ZNF454: variants seen among roughly 807,000 people sequenced by gnomAD.
ZNF454 encodes zinc finger protein 454.
Under a neutral mutation model 48.2 loss-of-function variants are expected in ZNF454, and 30 were observed. The ratio of observed to expected loss-of-function variants is 0.62; its 90% confidence interval spans 0.47 to 0.84. The LOEUF (loss-of-function observed/expected upper bound fraction) is 0.84, where lower values mean the gene tolerates loss of function less well. ZNF454 is among the 40% of genes least tolerant of loss of function. The probability of loss-of-function intolerance (pLI) is 0.00; values close to 1 mark genes in which losing one functional copy is unlikely to be tolerated. For missense variants in ZNF454, 510 were observed against 623.1 expected, an observed-to-expected ratio of 0.82 and a Z score of 1.93; for synonymous variants, 204 against 211.4, an observed-to-expected ratio of 0.97 and a Z score of 0.30.
the ZNF454 span, chr5:178,985,911 A>G: frequency 3.4e-6 from 2 of 586,286 alleles, no homozygotes; most frequent in South Asian, 2.0e-5. Flanking sequence ...ACAGGCACGC[A>G]CCACCATGCC....
chr5:178,976,284 C>A, the ZNF454 span: 1 of 265,622 alleles, frequency 3.8e-6, no homozygotes, highest in East Asian at 1.1e-4. Context: ...CTTTAACATA[C>A]AGTGTCATTT....
downstream of ZNF454, among the ~76,000 whole-genome samples, chr5:178,969,947 G>A (rs1402336367): frequency 6.6e-6 from 1 of 152,156 alleles, no homozygotes; most frequent in African/African-American, 2.4e-5. Flanking sequence ...ATCTCCAGCT[G>A]ACTGATTTGT....
the ZNF454 span, chr5:178,981,778 G>T: frequency 6.2e-7 from 1 of 1,612,854 alleles, no homozygotes; most frequent in Non-Finnish European, 8.5e-7. This position sits in a 1 kb window ranked among gnomAD's most constrained non-coding sequence, Gnocchi z 5.1. Context: ...GTAGGTTTTG[G>T]GTACGTAGAG....
chr5:178,986,721 G>A, the ZNF454 span: 4,704 of 1,605,144 alleles, frequency 2.9e-3, 15 homozygotes, highest in African/African-American at 0.013. Flanking sequence ...AGGGCACCTC[G>A]TGGGGGTCGC....
intron 4 of ZNF454, among the ~76,000 whole-genome samples, chr5:178,961,647 C>G (rs904338925): frequency 6.6e-6 from 1 of 151,182 alleles, no homozygotes; most frequent in Non-Finnish European, 1.5e-5. Flanking sequence ...GAAACCCTGT[C>G]TCTAGTAAAA....
the ZNF454 span, chr5:178,985,349 C>T: frequency 6.0e-5 from 26 of 431,498 alleles, no homozygotes; most frequent in South Asian, 1.2e-4. Context: ...GGGGAGATGG[C>T]GGCCCTAACT....
At chr5:178,954,543 A>T (rs1759678426) in intron 4 of ZNF454, among the ~76,000 whole-genome samples, 1 of 152,184 alleles carries the variant, frequency 6.6e-6, no homozygotes, top group Non-Finnish European at 1.5e-5. Flanking sequence ...AGATTTTAAA[A>T]ATAATTCTTA....
chr5:178,957,603 G>T (rs1759830122), intron 4 of ZNF454, among the ~76,000 whole-genome samples: 1 of 151,888 alleles, frequency 6.6e-6, no homozygotes, highest in African/African-American at 2.4e-5. Context: ...TAGAGACGGG[G>T]TTTCACCGTG....
intron 4 of ZNF454, among the ~76,000 whole-genome samples, chr5:178,947,662 G>A (rs562249144): frequency 7.9e-5 from 12 of 152,178 alleles, no homozygotes; most frequent in African/African-American, 1.9e-4. Context: ...TCATTGTATC[G>A]GTGGCTTAAG....
At chr5:178,964,576 A>G (rs1760084860) in intron 4 of ZNF454, 79 bp from the exon 5 acceptor site, 3 of 1,078,826 alleles carry the variant, frequency 2.8e-6, no homozygotes, top group Non-Finnish European at 4.1e-6. Context: ...TGTTAGCATT[A>G]TGAAGAGGCT....
chr5:178,961,114 A>G (rs1759998802), intron 4 of ZNF454, among the ~76,000 whole-genome samples: 1 of 151,436 alleles, frequency 6.6e-6, no homozygotes, highest in South Asian at 2.1e-4. Flanking sequence ...TATTTTTAGT[A>G]GAGACGGGGT....
chr5:178,970,765 C>A (rs1280343218), downstream of ZNF454, among the ~76,000 whole-genome samples: 2 of 152,208 alleles, frequency 1.3e-5, no homozygotes, highest in Non-Finnish European at 2.9e-5. Context: ...ATCAGTGTGT[C>A]TTTCTGAAAA....
chr5:178,975,041 G>A, the ZNF454 span, among the ~76,000 whole-genome samples: 12 of 152,238 alleles, frequency 7.9e-5, no homozygotes, highest in East Asian at 9.7e-4. Context: ...GGGGCAGTGC[G>A]TCATACCTGT....
chr5:178,960,472 G>T (rs1466485876), intron 4 of ZNF454, among the ~76,000 whole-genome samples: 2 of 150,256 alleles, frequency 1.3e-5, no homozygotes, highest in African/African-American at 4.9e-5. Flanking sequence ...CAGGCTGGTC[G>T]CAAACTCCGG....
chr5:178,989,084 T>C, the ZNF454 span: 1 of 1,614,078 alleles, frequency 6.2e-7, no homozygotes, highest in Non-Finnish European at 8.5e-7. Flanking sequence ...AATCACAAAC[T>C]GCACCTTGCC....
chr5:178,968,757 G>A (rs756382066), downstream of ZNF454: 1 of 456,706 alleles, frequency 2.2e-6, no homozygotes. Flanking sequence ...ACGTTTCTAA[G>A]CTGAGTTGGT....
the ZNF454 span, chr5:178,985,570 GC>G: frequency 2.9e-6 from 1 of 340,082 alleles, no homozygotes. Flanking sequence ...GGGCGTGGTG[GC>G]GGGCGCCTGT....
At chr5:178,959,945 T>C in intron 4 of ZNF454, among the ~76,000 whole-genome samples, 1 of 149,944 alleles carries the variant, frequency 6.7e-6, no homozygotes, top group Non-Finnish European at 1.5e-5. Flanking sequence ...TCTTTTCTTT[T>C]CTTTTCTTTT....
intron 4 of ZNF454, among the ~76,000 whole-genome samples, chr5:178,964,278 G>A (rs61045950): frequency 4.9e-4 from 74 of 151,684 alleles, no homozygotes; most frequent in African/African-American, 1.7e-3. Context: ...CCACCACCAC[G>A]CCCGGCTAAT....
Sources: allele counts gnomAD v4.1 joint callset (sites outside exome capture counted in the v4.1 genomes callset), GRCh38; gene constraint gnomAD v4.1.1; non-coding constraint Gnocchi (gnomAD v3.1); transcripts MANE v1.5; gene names NCBI Gene and HGNC (gene_info 2026-07-23, HGNC 2026-07-21).